The following ZFAND3 variants were observed in gnomAD, a reference collection of about 807,000 sequenced individuals.
ZFAND3 encodes zinc finger AN1-type containing 3.
ZFAND3 carries 10 observed loss-of-function variants against 29.6 expected under a neutral mutation model. That is an observed-to-expected ratio of 0.34 (90% CI 0.21 to 0.57). The LOEUF (loss-of-function observed/expected upper bound fraction) is 0.57, where lower values mean the gene tolerates loss of function less well. Among genes scored for constraint, ZFAND3 ranks in the 20% least tolerant of loss-of-function variants. ZFAND3 has a pLI of 0.86. For missense variants in ZFAND3, 230 were observed against 304.5 expected (o/e 0.76, Z 1.82); for synonymous variants, 128 against 112.6 (o/e 1.14, Z -0.87).
chr6:37,915,794 A>C (rs900212989), intron 1 of ZFAND3: 9 of 152,130 alleles, frequency 5.9e-5, no homozygotes, highest in Non-Finnish European at 1.3e-4. Flanking sequence ...TTTCAGACGG[A>C]GCTTCACTCT....
At chr6:37,932,942 T>C (rs1187331558) in intron 2 of ZFAND3, among the ~76,000 whole-genome samples, 1 of 152,234 alleles carries the variant, frequency 6.6e-6, no homozygotes, top group Non-Finnish European at 1.5e-5. Context: ...GACTAGTTAA[T>C]ATCCTGTCTG....
intron 2 of ZFAND3, among the ~76,000 whole-genome samples, chr6:38,032,309 G>A (rs1281657111): frequency 9.9e-5 from 15 of 152,114 alleles, no homozygotes; most frequent in Admixed American, 2.6e-4. Context: ...CTAAAAGGAC[G>A]TATTATAATT....
chr6:37,843,824 T>C (rs911252384), intron 1 of ZFAND3, among the ~76,000 whole-genome samples: 28 of 151,492 alleles, frequency 1.8e-4, no homozygotes, highest in Non-Finnish European at 2.9e-5. Context: ...TGTATCCTTG[T>C]AGTTTCTAAA....
intron 1 of ZFAND3, among the ~76,000 whole-genome samples, chr6:37,879,911 A>G (rs1561920566): frequency 1.3e-5 from 2 of 152,236 alleles, no homozygotes; most frequent in Non-Finnish European, 2.9e-5. Context: ...GAGACAAACC[A>G]TTAGTACTAA....
At chr6:37,959,192 C>T (rs1762152689) in intron 2 of ZFAND3, among the ~76,000 whole-genome samples, 1 of 152,226 alleles carries the variant, frequency 6.6e-6, no homozygotes, top group African/African-American at 2.4e-5. Flanking sequence ...TGTGATGCAG[C>T]ATAGCCTAAC....
intron 5 of ZFAND3, among the ~76,000 whole-genome samples, chr6:38,150,962 G>T (rs1342359294): frequency 1.3e-5 from 2 of 152,194 alleles, no homozygotes; most frequent in Non-Finnish European, 2.9e-5. Flanking sequence ...AGATAATGCT[G>T]ATGGGATGAG....
intron 2 of ZFAND3, among the ~76,000 whole-genome samples, chr6:38,007,456 G>C (rs1230620160): frequency 6.6e-6 from 1 of 151,982 alleles, no homozygotes; most frequent in Non-Finnish European, 1.5e-5. Flanking sequence ...GAGGTGGGAG[G>C]ATCACTTGAG....
At chr6:38,053,554 C>T (rs1764072581) in intron 2 of ZFAND3, among the ~76,000 whole-genome samples, 1 of 152,034 alleles carries the variant, frequency 6.6e-6, no homozygotes, top group African/African-American at 2.4e-5. Flanking sequence ...CGTGGTGTTG[C>T]ACACTGGTAG....
intron 2 of ZFAND3, among the ~76,000 whole-genome samples, chr6:37,951,109 GTTTTA>G (rs1413658152): frequency 6.6e-6 from 1 of 151,996 alleles, no homozygotes; most frequent in African/African-American, 2.4e-5. Flanking sequence ...ATTCCTAGGT[GTTTTA>G]TTTTTATTTT....
At chr6:38,003,051 A>C (rs558592532) in intron 2 of ZFAND3, 4 of 153,362 alleles carry the variant, frequency 2.6e-5, no homozygotes, top group Non-Finnish European at 5.9e-5. Context: ...GTTACTTCTC[A>C]TCTTTCAGGA....
intron 2 of ZFAND3, among the ~76,000 whole-genome samples, chr6:37,972,381 A>G (rs900947952): frequency 3.3e-5 from 5 of 151,878 alleles, no homozygotes; most frequent in African/African-American, 1.2e-4. Context: ...TTCAGAAATA[A>G]TGGATAAATC....
intron 5 of ZFAND3, chr6:38,142,429 C>CT: frequency 2.2e-6 from 1 of 458,432 alleles, no homozygotes; most frequent in Non-Finnish European, 4.5e-6. Flanking sequence ...AGCCTGGCAA[C>CT]TGAGTTACCC....
At chr6:37,957,966 T>A (rs1289106422) in intron 2 of ZFAND3, among the ~76,000 whole-genome samples, 1 of 152,102 alleles carries the variant, frequency 6.6e-6, no homozygotes, top group African/African-American at 2.4e-5. Flanking sequence ...TGTACACAAA[T>A]CAAATAGAGG....
intron 1 of ZFAND3, among the ~76,000 whole-genome samples, chr6:37,850,303 A>G (rs1193170521): frequency 6.6e-6 from 1 of 152,154 alleles, no homozygotes; most frequent in Non-Finnish European, 1.5e-5. Context: ...GGATTAATAG[A>G]CCTTTAAAAA....
At chr6:38,046,380 G>A (rs926004660) in intron 2 of ZFAND3, among the ~76,000 whole-genome samples, 1 of 152,172 alleles carries the variant, frequency 6.6e-6, no homozygotes, top group Non-Finnish European at 1.5e-5. Flanking sequence ...GATAACTTCT[G>A]CCTCTTCCGC....
At chr6:37,853,268 G>A (rs1224132321) in intron 1 of ZFAND3, among the ~76,000 whole-genome samples, 1 of 152,056 alleles carries the variant, frequency 6.6e-6, no homozygotes, top group Non-Finnish European at 1.5e-5. Flanking sequence ...ATTGCATCAT[G>A]GAAGATCAGG....
chr6:37,935,885 G>A (rs1761689151), intron 2 of ZFAND3, among the ~76,000 whole-genome samples: 1 of 152,144 alleles, frequency 6.6e-6, no homozygotes, highest in African/African-American at 2.4e-5. Context: ...AACTAGACCC[G>A]ATAGCCTACT....
At chr6:37,929,416 C>G (rs761929233) in intron 1 of ZFAND3, among the ~76,000 whole-genome samples, 3 of 151,870 alleles carry the variant, frequency 2.0e-5, no homozygotes, top group Non-Finnish European at 4.4e-5. Context: ...ATTTGATTGG[C>G]GTATCTGAAG....
intron 1 of ZFAND3, among the ~76,000 whole-genome samples, chr6:37,849,336 A>T (rs1354925434): frequency 6.6e-6 from 1 of 152,174 alleles, no homozygotes; most frequent in African/African-American, 2.4e-5. Context: ...AGTAATTCAT[A>T]AACACCTGTC....
Sources: allele counts gnomAD v4.1 joint callset (sites outside exome capture counted in the v4.1 genomes callset), GRCh38; gene constraint gnomAD v4.1.1; transcripts MANE v1.5; gene names NCBI Gene and HGNC (gene_info 2026-07-23, HGNC 2026-07-21).